PWP1: variants seen among roughly 807,000 people sequenced by gnomAD.
PWP1 encodes periodic tryptophan protein 1 homolog.
In PWP1, 47 loss-of-function variants were observed where a neutral mutation model predicts 69.9. The observed-to-expected ratio is 0.67, with a 90% CI of 0.53 to 0.86. The LOEUF is 0.86. Ranked by LOEUF, PWP1 falls within the 40% of genes least tolerant of loss-of-function variation. PWP1 has a pLI of 0.00. For synonymous variants in PWP1, 222 were observed against 208.2 expected, an observed-to-expected ratio of 1.07 and a Z score of -0.57; for missense variants, 551 against 608.8, an observed-to-expected ratio of 0.91 and a Z score of 1.00.
At chr12:107,686,969 CAAAAAAAA>C (rs61728433) in intron 1 of PWP1, among the ~76,000 whole-genome samples, 564 of 106,784 alleles carry the variant, frequency 5.3e-3, no homozygotes, top group South Asian at 0.012. Context: ...GACTCCGTCT[CAAAAAAAA>C]AAAAAAAAAA....
intron 8 of PWP1, among the ~76,000 whole-genome samples, 172 bp from the exon 9 acceptor site, chr12:107,702,763 T>A (rs866626099): frequency 2.0e-5 from 3 of 152,240 alleles, no homozygotes; most frequent in African/African-American, 7.2e-5. Context: ...GATACTCTTG[T>A]TTCCTTTCAT....
rs117995580 is a variant in PWP1 at position 107,700,881 on chromosome 12, G to A, written c.806+1447G>A. Among the ~76,000 whole-genome samples the A allele has an allele frequency of 7.5e-4, 111 of 147,436 alleles. 1 individual carries two copies. In the East Asian group the frequency reaches 0.02, roughly 26 times the overall value. On this transcript the variant is annotated intron_variant, in intron 8 of 14. Coordinates refer to ENST00000412830, the MANE Select transcript of PWP1 (RefSeq NM_007062.3). ...TGGGTATGAAGTGGTATATCATTGCGGTTTTAATTTGCATTTCCCCCCCTT... is the reference window on the plus strand; with the variant it reads ...TGGGTATGAAGTGGTATATCATTGCAGTTTTAATTTGCATTTCCCCCCCTT...
At chr12:107,690,563 A>G (rs1013980386) in intron 3 of PWP1, among the ~76,000 whole-genome samples, 2 of 152,078 alleles carry the variant, frequency 1.3e-5, no homozygotes, top group Admixed American at 6.5e-5. Context: ...TCCCTAATTC[A>G]AGCAATTTTC....
In PWP1 at chr12:107,709,200, C is replaced by G; in HGVS notation, c.1258C>G (p.Pro420Ala). 1 of 1,613,810 alleles carries G rather than the reference C, an allele frequency of 6.2e-7. No homozygotes were observed. The highest frequency in any genetic ancestry group is 8.5e-7 in the Non-Finnish European group (1 of 1,179,798). ...VKIWDILGDRPSLVHSRDMKM... is the reference protein window; with the variant it reads ...VKIWDILGDRASLVHSRDMKM... ...GATCTGGGACATCTTAGGAGATAGG[C>G]CAAGTCTAGTTCATTCTAGGGACAT... Residue 420 changes from proline to alanine, a missense_variant, in exon 13 of 15, where the codon CCA becomes GCA. By Grantham distance (27) the Pro-to-Ala change is conservative. Transcript: ENST00000412830.
intron 1 of PWP1, among the ~76,000 whole-genome samples, chr12:107,686,730 G>A (rs1732237072): frequency 6.6e-6 from 1 of 152,208 alleles, no homozygotes; most frequent in Non-Finnish European, 1.5e-5. Context: ...ACTTTGGGAG[G>A]CCAAGGCGGG....
At chr12:107,703,823 C>T (rs868043753) in intron 10 of PWP1, 77 bp downstream of exon 10, 1 of 1,393,162 alleles carries the variant, frequency 7.2e-7, no homozygotes, top group Non-Finnish European at 1.0e-6. Context: ...CACTTGGTAC[C>T]CAGGCAGAAT....
intron 7 of PWP1, among the ~76,000 whole-genome samples, chr12:107,698,683 CAA>C (rs1205436056): frequency 6.6e-6 from 1 of 152,176 alleles, no homozygotes; most frequent in Non-Finnish European, 1.5e-5. Flanking sequence ...CGCCTAGGCT[CAA>C]GAGATCCTGG....
chr12:107,699,549 C>G, intron 8 of PWP1, 115 bp downstream of exon 8: 1 of 816,800 alleles, frequency 1.2e-6, no homozygotes, highest in Non-Finnish European at 1.9e-6. Context: ...ATCTTCCTTT[C>G]TTGTAGGATG....
In PWP1 at chr12:107,688,622, G is replaced by A. The variant is rs751110052; in HGVS notation, c.139G>A (p.Gly47Ser). 3 of 1,613,846 alleles carry A rather than the reference G, an allele frequency of 1.9e-6. No individual in the cohort carries two copies. Among genetic ancestry groups the A allele is most frequent in the African/African-American group, 1.3e-5 (1 of 75,064 alleles). ...TTCTTTCTGTGCTCATAGAGAAGAA[G>A]GTGGTGGCAGTGATGAAGAGGAGAC... Reference protein sequence around the residue: ...AEAKEKLQEEGGGSDEEETGS... With the variant: ...AEAKEKLQEESGGSDEEETGS... The change falls in exon 3 of 15, where the codon GGT becomes AGT. Residue 47 changes from glycine to serine, a missense_variant. Coordinates refer to ENST00000412830, the MANE Select transcript of PWP1 (RefSeq NM_007062.3).
Position 107,696,527 on chromosome 12 carries a change from G to C in PWP1, c.556G>C (p.Ala186Pro). Reference protein sequence around the residue: ...FYVHHDILLSAYPLSVEWLNF... With the variant: ...FYVHHDILLSPYPLSVEWLNF... ...TGTACACCATGATATACTCTTGTCT[G>C]CATATCCTCTGAGTGTGGAATGGCT... Residue 186 changes from alanine (A) to proline (P), a missense_variant, in exon 6 of 15, where the codon GCA (alanine) becomes CCA (proline). Physicochemically the swap from Ala to Pro is conservative, Grantham distance 27. Transcript: ENST00000412830. 1.2e-6 allele frequency: 2 copies of C among 1,614,062 alleles called. No individual in the cohort carries two copies. Among genetic ancestry groups the C allele is most frequent in the Non-Finnish European group, 1.7e-6 (2 of 1,179,988 alleles).
At chr12:107,704,830 A>C in intron 11 of PWP1, 83 bp downstream of exon 11, 2 of 1,194,382 alleles carry the variant, frequency 1.7e-6, no homozygotes, top group Admixed American at 3.8e-5. Flanking sequence ...TTATCTGAAA[A>C]GCTTTTTCTG....
Position 107,708,929 on chromosome 12 carries a change from A to G in PWP1, c.1081A>G (p.Ser361Gly). 3.1e-6 allele frequency: 5 copies of G among 1,613,024 alleles called. No homozygotes were observed. The highest frequency in any genetic ancestry group is 4.2e-6 in the Non-Finnish European group (5 of 1,179,722). ...GCCCATCTTTTACTCTTTCTAGGCC[A>G]GTACAGATGACGGCTTTGTATATAA... ...NHFSPCHFLA[S>G]TDDGFVYNLD... is the part of the protein sequence containing the mutation. Residue 361 changes from serine to glycine, a missense_variant, in exon 12 of 15, where the codon AGT becomes GGT. Ser to Gly is a moderately conservative substitution (Grantham distance 56). Transcript: ENST00000412830.
At chr12:107,707,474 C>T (rs1889846062) in intron 11 of PWP1, among the ~76,000 whole-genome samples, 1 of 152,138 alleles carries the variant, frequency 6.6e-6, no homozygotes, top group African/African-American at 2.4e-5. Context: ...TGTCTTGTGC[C>T]AGTTTTCAAA....
intron 11 of PWP1, 90 bp from the exon 12 acceptor site, chr12:107,708,836 T>C (rs1889880469): frequency 1.7e-6 from 2 of 1,167,998 alleles, no homozygotes; most frequent in South Asian, 1.3e-5. Context: ...CAGTAAGTCA[T>C]ATAGCTGATT....
At chr12:107,692,564 C>G in intron 3 of PWP1, 1 of 433,666 alleles carries the variant, frequency 2.3e-6, no homozygotes, top group Non-Finnish European at 4.1e-6. Context: ...GGGTCTAATT[C>G]CCTGATACAG....
chr12:107,694,879 G>A (rs905558510), intron 5 of PWP1, among the ~76,000 whole-genome samples: 2 of 152,144 alleles, frequency 1.3e-5, no homozygotes, highest in South Asian at 4.1e-4. Flanking sequence ...TGCCCAGTAT[G>A]TGTGTGCAAG....
intron 11 of PWP1, among the ~76,000 whole-genome samples, chr12:107,706,518 A>C (rs534431059): frequency 1.3e-5 from 2 of 152,240 alleles, no homozygotes; most frequent in African/African-American, 4.8e-5. Context: ...TAGGGTTTTT[A>C]TGGTTTTAGG....
At chr12:107,702,391 G>T (rs766672571) in intron 8 of PWP1, among the ~76,000 whole-genome samples, 1 of 151,724 alleles carries the variant, frequency 6.6e-6, no homozygotes, top group African/African-American at 2.4e-5. Context: ...AGCTATTCTC[G>T]TGCCTCAGCC....
Position 107,703,703 on chromosome 12 carries a change from C to T in PWP1, c.922C>T (p.His308Tyr), listed in dbSNP as rs771593183. ...CCTTTAGGTCCAAACACTGCAGTTT[C>T]ATCCATTTGAAGCACAGACTCTGAT... The part of the protein sequence containing the change: ...HTDKVQTLQF[H>Y]PFEAQTLISG... Residue 308 changes from histidine to tyrosine, a missense_variant, in exon 10 of 15, where the codon CAT becomes TAT. His to Tyr is a moderately conservative substitution (Grantham distance 83). Transcript: ENST00000412830. 5 of 1,606,816 alleles carry T rather than the reference C, an allele frequency of 3.1e-6. No individual in the cohort carries two copies. Among genetic ancestry groups the T allele is most frequent in the Non-Finnish European group, 2.6e-6 (3 of 1,173,448 alleles).
Sources: gnomAD v4.1 joint callset for allele counts (sites outside exome capture counted in the v4.1 genomes callset) on GRCh38, gnomAD v4.1.1 for gene constraint, MANE v1.5 for transcripts, NCBI Gene and HGNC (gene_info 2026-07-23, HGNC 2026-07-21) for gene names.